Variants in CALHM6 observed in about 807,000 individuals in gnomAD.
CALHM6 encodes calcium homeostasis modulator protein 6.
In CALHM6, 15 loss-of-function variants were observed where a neutral mutation model predicts 12.7. The observed-to-expected ratio is 1.18, with a 90% CI of 0.79 to 1.82. The LOEUF (loss-of-function observed/expected upper bound fraction) is 1.82, where lower values mean the gene tolerates loss of function less well. Ranked by LOEUF, CALHM6 falls within the 40% of genes most tolerant of loss-of-function variation. The pLI is 0.00. For synonymous variants in CALHM6, 212 were observed against 193.7 expected (o/e 1.09, Z -0.78); for missense variants, 434 against 421.0 (o/e 1.03, Z -0.27).
In CALHM6 at chr6:116,463,570, G is replaced by A; in HGVS notation, c.813G>A (p.Gln271=). 6.2e-7 allele frequency: 1 copy of A among 1,614,124 alleles called. No individual in the cohort carries two copies. The highest frequency in any genetic ancestry group is 8.5e-7 in the Non-Finnish European group (1 of 1,180,006). ...TGTATACTTTCAATCCGAAGGGCCA[G>A]TACTACAGCATGTTGCACAAATATG... The part of the protein sequence containing the change: ...SSLYTFNPKG[Q]YYSMLHKYVN... Residue 271 remains glutamine (Q), a synonymous_variant, in exon 3 of 3, where the codon CAG becomes CAA. Transcript: ENST00000368605.
chr6:116,462,066 C>T lies in CALHM6; in HGVS notation c.137C>T (p.Ala46Val), dbSNP rs781391969. 1 of 1,548,120 alleles carries T rather than the reference C, an allele frequency of 6.5e-7. No homozygotes were observed. The highest frequency in any genetic ancestry group is 1.2e-5 in the South Asian group (1 of 83,972). The change falls in exon 2 of 3, where the codon GCC (alanine) becomes GTC (valine). Residue 46 changes from alanine to valine, a missense_variant. Ala to Val is a moderately conservative substitution (Grantham distance 64). Transcript: ENST00000368605. The part of the protein sequence containing the change: ...AVAFQCPCSA[A>V]WNLPYGLVFL... ...GCATTCCAGTGCCCGTGCAGCGCCG[C>T]CTGGAACCTGCCCTACGGCCTGGTC...
In CALHM6 at chr6:116,462,151, G is replaced by T; in HGVS notation, c.222G>T (p.Thr74=). 3.9e-6 allele frequency: 6 copies of T among 1,529,990 alleles called. No homozygotes were observed. Among genetic ancestry groups the T allele is most frequent in the Non-Finnish European group, 4.4e-6 (5 of 1,141,454 alleles). The allele number at this position is 1,529,990 out of a possible 1,614,324, so 94.8% of individuals were successfully genotyped here. Reference sequence around the variant, plus strand: ...TGGGCTACGTGCTGAGCGCACGCACGTGGCGCCTGCTCACCGGATGCTGCT... The same window carrying T: ...TGGGCTACGTGCTGAGCGCACGCACTTGGCGCCTGCTCACCGGATGCTGCT... ...FLLGYVLSAR[T]WRLLTGCCSS... The change falls in exon 2 of 3, where the codon ACG becomes ACT. Residue 74 remains threonine (T), a synonymous_variant. Transcript: ENST00000368605.
In CALHM6 at chr6:116,461,792, T is replaced by TAG. The variant is rs1784773780; in HGVS notation, c.-58-79_-58-78insGA. 5.4e-6 allele frequency: 4 copies of TAG among 747,350 alleles called. No homozygotes were observed. The South Asian group carries it at 1.1e-4, about 21-fold the overall frequency. 46.3% of individuals were successfully genotyped at this position (747,350 alleles called of 1,614,324 possible). A position where few individuals can be genotyped will look rare whatever the true frequency, so the allele number is the denominator to read the frequency against. On this transcript the variant is annotated intron_variant, in intron 1 of 2. Transcript: ENST00000368605. The stretch of plus-strand genomic sequence containing the variant: ...AAGGTCTGAGAAGCCCTCTTCCCTT[T>TAG]AAAAAAAAAAAAAAAAAGGCTGCTT...
At position 116,462,425 on chromosome 6, in the gene CALHM6, C is replaced by G; in HGVS notation, c.496C>G (p.Leu166Val). 1 of 1,502,542 alleles carries G rather than the reference C, an allele frequency of 6.7e-7. No homozygotes were observed. The highest frequency in any genetic ancestry group is 1.2e-5 in the South Asian group (1 of 80,388). The allele number at this position is 1,502,542 out of a possible 1,614,324, so 93.1% of individuals were successfully genotyped here. ...NQAKASDVQD[L>V]LKDLKAQSQV... ...GGCCAAGGCGTCGGACGTGCAGGACCTCCTGAAGGATCTGAAGGCTCAGTC... is the reference window on the plus strand; with the variant it reads ...GGCCAAGGCGTCGGACGTGCAGGACGTCCTGAAGGATCTGAAGGCTCAGTC... The change falls in exon 2 of 3, where the codon CTC becomes GTC. Residue 166 changes from leucine to valine, a missense_variant. Coordinates refer to ENST00000368605, the MANE Select transcript of CALHM6 (RefSeq NM_001010919.3).
chr6:116,462,601 C>T (rs1172114918), intron 2 of CALHM6, 147 bp downstream of exon 2: 1 of 519,820 alleles, frequency 1.9e-6, no homozygotes, highest in Non-Finnish European at 3.4e-6. Flanking sequence ...TCTAATTTGC[C>T]GTCAAGAGAA....
In CALHM6 at chr6:116,462,455, G is replaced by T; in HGVS notation, c.525+1G>T. 1 of 1,493,654 alleles carries T rather than the reference G, an allele frequency of 6.7e-7. No homozygotes were observed. Among genetic ancestry groups the T allele is most frequent in the Non-Finnish European group, 8.9e-7 (1 of 1,120,270 alleles). The allele number at this position is 1,493,654 out of a possible 1,614,324, so 92.5% of individuals were successfully genotyped here. A position where few individuals can be genotyped will look rare whatever the true frequency, so the allele number is the denominator to read the frequency against. On this transcript the variant is annotated splice_donor_variant, in intron 2 of 2. Coordinates refer to ENST00000368605, the MANE Select transcript of CALHM6 (RefSeq NM_001010919.3). LOFTEE classifies it high-confidence loss of function. ...GAAGGATCTGAAGGCTCAGTCGCAGGTCTGCCGCTGGCGCTGGGGGCGTTT... is the reference window on the plus strand; with the variant it reads ...GAAGGATCTGAAGGCTCAGTCGCAGTTCTGCCGCTGGCGCTGGGGGCGTTT...
chr6:116,462,250 G>T lies in CALHM6; in HGVS notation c.321G>T (p.Ala107=). ...GCACGCAAATCAGCGCGGCCGCCGC[G>T]CTCGCGCCCCTCACCTGGGTGGCCG... ...LVCTQISAAA[A]LAPLTWVAVA... Residue 107 remains alanine (A), a synonymous_variant, in exon 2 of 3, where the codon GCG becomes GCT. Coordinates refer to ENST00000368605, the MANE Select transcript of CALHM6 (RefSeq NM_001010919.3). The T allele has an allele frequency of 5.1e-6, 7 of 1,373,610 alleles. No individual in the cohort carries two copies. Among genetic ancestry groups the T allele is most frequent in the Non-Finnish European group, 6.5e-6 (7 of 1,069,996 alleles). 85.1% of individuals were successfully genotyped at this position (1,373,610 alleles called of 1,614,324 possible). A position where few individuals can be genotyped will look rare whatever the true frequency, so the allele number is the denominator to read the frequency against.
In CALHM6 at chr6:116,462,432, A is replaced by G; in HGVS notation, c.503A>G (p.Lys168Arg). Residue 168 changes from lysine (K) to arginine (R), a missense_variant, in exon 2 of 3, where the codon AAG becomes AGG. Transcript: ENST00000368605. ...AKASDVQDLL[K>R]DLKAQSQVLG... ...GCGTCGGACGTGCAGGACCTCCTGA[A>G]GGATCTGAAGGCTCAGTCGCAGGTC... 1 of 1,501,192 alleles carries G rather than the reference A, an allele frequency of 6.7e-7. No homozygotes were observed. Among genetic ancestry groups the G allele is most frequent in the Non-Finnish European group, 8.9e-7 (1 of 1,124,860 alleles). The allele number at this position is 1,501,192 out of a possible 1,614,324, so 93.0% of individuals were successfully genotyped here.
intron 1 of CALHM6, 35 bp from the exon 2 acceptor site, chr6:116,461,837 C>A (rs548609582): frequency 7.4e-7 from 1 of 1,350,184 alleles, no homozygotes; most frequent in Non-Finnish European, 9.6e-7. Flanking sequence ...TGGAAAGCCC[C>A]GGTCCCCATC....
Position 116,462,251 on chromosome 6 carries a change from C to T in CALHM6, c.322C>T (p.Leu108Phe). 2.9e-6 allele frequency: 4 copies of T among 1,373,852 alleles called. No homozygotes were observed. The highest frequency in any genetic ancestry group is 3.7e-6 in the Non-Finnish European group (4 of 1,070,122). 85.1% of individuals were successfully genotyped at this position (1,373,852 alleles called of 1,614,324 possible). ...VCTQISAAAA[L>F]APLTWVAVAL... The stretch of plus-strand genomic sequence containing the variant: ...CACGCAAATCAGCGCGGCCGCCGCG[C>T]TCGCGCCCCTCACCTGGGTGGCCGT... Residue 108 changes from leucine (L) to phenylalanine (F), a missense_variant, in exon 2 of 3, where the codon CTC becomes TTC. Physicochemically the swap from Leu to Phe is conservative, Grantham distance 22 (BLOSUM62 0). Coordinates refer to ENST00000368605, the MANE Select transcript of CALHM6 (RefSeq NM_001010919.3).
Position 116,463,733 on chromosome 6 carries a change from G to T in CALHM6, c.*28G>T, listed in dbSNP as rs1270782524. On this transcript the variant is annotated 3_prime_UTR_variant, in exon 3 of 3. Coordinates refer to ENST00000368605, the MANE Select transcript of CALHM6 (RefSeq NM_001010919.3). The stretch of plus-strand genomic sequence containing the variant: ...TTTTGAATGAGTAGAAAAAAAAATT[G>T]TTTTGAATTATTGCTTTATTAAAAA... The T allele has an allele frequency of 6.2e-6, 9 of 1,448,270 alleles. No individual in the cohort carries two copies. The highest frequency in any genetic ancestry group is 1.6e-5 in the South Asian group (1 of 64,220). 89.7% of individuals were successfully genotyped at this position (1,448,270 alleles called of 1,614,324 possible). A position where few individuals can be genotyped will look rare whatever the true frequency, so the allele number is the denominator to read the frequency against.
Position 116,461,390 on chromosome 6 carries a change from G to A in CALHM6, c.-98G>A. On this transcript the variant is annotated 5_prime_UTR_variant, in exon 1 of 3. The change abolishes an upstream ATG in the 5' untranslated region. Transcript: ENST00000368605. ...GCTGGACTTTGCTGATTTAGCTTAT[G>A]GAAGAGGAACCAGAAATTTGTCCTT... 3 of 1,549,762 alleles carry A rather than the reference G, an allele frequency of 1.9e-6. No homozygotes were observed. Among genetic ancestry groups the A allele is most frequent in the African/African-American group, 1.4e-5 (1 of 73,136 alleles).
chr6:116,462,585 C>T, intron 2 of CALHM6, 131 bp downstream of exon 2: 1 of 552,756 alleles, frequency 1.8e-6, no homozygotes, highest in Non-Finnish European at 3.1e-6. Context: ...AGAATGGCTC[C>T]TTGCATCTAA....
chr6:116,463,370 C>T lies in CALHM6; in HGVS notation c.613C>T (p.Leu205=), dbSNP rs374715644. The part of the protein sequence containing the change: ...VTRCLSPVSF[L]QLKFWKIYLE... ...CCGATGCCTATCTCCAGTTAGTTTT[C>T]TGCAGCTGAAATTCTGGAAAATCTA... The change falls in exon 3 of 3, where the codon CTG becomes TTG. Residue 205 remains leucine (L), a synonymous_variant. Transcript: ENST00000368605. 1.4e-5 allele frequency: 23 copies of T among 1,614,072 alleles called. No individual in the cohort carries two copies. In the African/African-American group the frequency reaches 1.6e-4, roughly 11 times the overall value.
chr6:116,462,780 G>A lies in CALHM6; in HGVS notation c.525+326G>A, dbSNP rs183639778. On this transcript the variant is annotated intron_variant, in intron 2 of 2. Coordinates refer to ENST00000368605, the MANE Select transcript of CALHM6 (RefSeq NM_001010919.3). ...TTTTACGTCTCACAACAGCTCTGTTGGGTGCAAAATTGCGGTTTTGCCATT... is the reference window on the plus strand; with the variant it reads ...TTTTACGTCTCACAACAGCTCTGTTAGGTGCAAAATTGCGGTTTTGCCATT... 3.1e-3 allele frequency among the ~76,000 whole-genome samples: 471 copies of A among 152,140 alleles called. 11 individuals are homozygous for A. The highest frequency in any genetic ancestry group is 5.4e-4 in the Non-Finnish European group (37 of 67,998).
chr6:116,462,544 T>C, intron 2 of CALHM6, 90 bp downstream of exon 2: 1 of 873,308 alleles, frequency 1.1e-6, no homozygotes. Context: ...CGGTGACTTT[T>C]CTCCAGATAT....
chr6:116,463,357 T>G lies in CALHM6; in HGVS notation c.600T>G (p.Ser200=). The G allele has an allele frequency of 6.2e-7, 1 of 1,614,122 alleles. No homozygotes were observed. The highest frequency in any genetic ancestry group is 1.3e-5 in the African/African-American group (1 of 75,058). Residue 200 remains serine, a synonymous_variant, in exon 3 of 3, where the codon TCT becomes TCG. Coordinates refer to ENST00000368605, the MANE Select transcript of CALHM6 (RefSeq NM_001010919.3). ...TTACATCTGTCACCCGATGCCTATC[T>G]CCAGTTAGTTTTCTGCAGCTGAAAT... ...LIFTSVTRCL[S]PVSFLQLKFW... is the part of the protein sequence containing the mutation.
intron 2 of CALHM6, 37 bp downstream of exon 2, chr6:116,462,491 G>A (rs553301411): frequency 1.4e-6 from 2 of 1,433,088 alleles, no homozygotes; most frequent in East Asian, 6.0e-5. Context: ...GGGAGGAGCC[G>A]AGAGGCCGAG....
Position 116,463,332 on chromosome 6 carries a change from T to G in CALHM6, c.575T>G (p.Phe192Cys). The change falls in exon 3 of 3, where the codon TTT becomes TGT. Residue 192 changes from phenylalanine to cysteine, a missense_variant. Phe to Cys is a radical substitution (Grantham distance 205, BLOSUM62 -2). Coordinates refer to ENST00000368605, the MANE Select transcript of CALHM6 (RefSeq NM_001010919.3). Reference protein sequence around the residue: ...IAVVIIILLIFTSVTRCLSPV... With the variant: ...IAVVIIILLICTSVTRCLSPV... The stretch of plus-strand genomic sequence containing the variant: ...GTTGTTATCATCATTCTTCTGATTT[T>G]TACATCTGTCACCCGATGCCTATCT... 1 of 1,614,078 alleles carries G rather than the reference T, an allele frequency of 6.2e-7. No homozygotes were observed. The highest frequency in any genetic ancestry group is 8.5e-7 in the Non-Finnish European group (1 of 1,180,014).
Sources: gnomAD v4.1 joint callset for allele counts (sites outside exome capture counted in the v4.1 genomes callset) on GRCh38, gnomAD v4.1.1 for gene constraint, MANE v1.5 for transcripts, NCBI Gene and HGNC (gene_info 2026-07-23, HGNC 2026-07-21) for gene names.